The following OR1M1 variants were observed in gnomAD, a reference collection of about 807,000 sequenced individuals.
The protein encoded by OR1M1 is olfactory receptor family 1 subfamily M member 1.
For synonymous variants in OR1M1, 157 were observed against 165.5 expected, an observed-to-expected ratio of 0.95 and a Z score of 0.39; for missense variants, 397 against 401.8, an observed-to-expected ratio of 0.99 and a Z score of 0.10.
chr19:9,088,248 A>T (rs1042905916), intron 1 of OR1M1, among the ~76,000 whole-genome samples: 1 of 152,140 alleles, frequency 6.6e-6, no homozygotes. Context: ...CTTCCTCCTC[A>T]GTACTTCTGT....
At chr19:9,087,945 C>T (rs1600196948) in intron 1 of OR1M1, among the ~76,000 whole-genome samples, 2 of 151,926 alleles carry the variant, frequency 1.3e-5, no homozygotes, top group Admixed American at 1.3e-4. Context: ...GGCTGCAGTG[C>T]AGTGGCATGA....
In OR1M1 at chr19:9,095,646, C is replaced by T. The variant is rs1288500399; in HGVS notation, c.*1460C>T. On this transcript the variant is annotated 3_prime_UTR_variant, in exon 2 of 2. Coordinates refer to ENST00000641627, the MANE Select transcript of OR1M1 (RefSeq NM_001004456.2). ...AAACTCCTGAGCTCAAGCCATCCTC[C>T]CATCTCAGCCTCTCAAAATGCTGGG... 6.6e-6 allele frequency: 1 copy of T among 151,928 alleles called. No homozygotes were observed. Among genetic ancestry groups the T allele is most frequent in the African/African-American group, 2.4e-5 (1 of 41,338 alleles). The allele number at this position is 151,928 out of a possible 1,614,324, so 9.4% of individuals were successfully genotyped here.
At position 9,094,157 on chromosome 19, in the gene OR1M1, G is replaced by C; in HGVS notation, c.913G>C (p.Val305Leu). The C allele has an allele frequency of 2.5e-6, 4 of 1,610,464 alleles. No individual in the cohort carries two copies. Among genetic ancestry groups the C allele is most frequent in the Non-Finnish European group, 3.4e-6 (4 of 1,179,642 alleles). Residue 305 changes from valine to leucine, a missense_variant, in exon 2 of 2, where the codon GTC (valine) becomes CTC (leucine). Physicochemically the swap from Val to Leu is conservative, Grantham distance 32. Coordinates refer to ENST00000641627, the MANE Select transcript of OR1M1 (RefSeq NM_001004456.2). Reference protein sequence around the residue: ...RDLKGALRKLVNRKITSSS With the variant: ...RDLKGALRKLLNRKITSSS ...CCTGAAAGGGGCTCTCAGGAAGCTGGTCAACAGAAAGATCACCTCATCTTC... is the reference window on the plus strand; with the variant it reads ...CCTGAAAGGGGCTCTCAGGAAGCTGCTCAACAGAAAGATCACCTCATCTTC...
rs756587416 is a variant in OR1M1, at chr19:9,093,459, G to C, written c.215G>C (p.Cys72Ser). The C allele has an allele frequency of 2.5e-6, 4 of 1,614,034 alleles. No individual in the cohort carries two copies. The highest frequency in any genetic ancestry group is 3.4e-6 in the Non-Finnish European group (4 of 1,180,016). Residue 72 changes from cysteine to serine, a missense_variant, in exon 2 of 2, where the codon TGT becomes TCT. Transcript: ENST00000641627. ...FLANLSLVDF[C>S]LATNTIPKML... ...GCCAACCTGTCCCTGGTTGATTTCT[G>C]TCTGGCCACCAACACCATCCCTAAG...
intron 1 of OR1M1, among the ~76,000 whole-genome samples, chr19:9,088,977 G>A (rs2145902650): frequency 6.6e-6 from 1 of 152,086 alleles, no homozygotes; most frequent in Non-Finnish European, 1.5e-5. Context: ...TATATGTAAT[G>A]TATAGTGATC....
intron 1 of OR1M1, 88 bp downstream of exon 1, chr19:9,087,245 A>ACTGGAAGATTCTTTTTTATTATT (rs1424974643): frequency 3.3e-5 from 5 of 152,236 alleles, no homozygotes; most frequent in Non-Finnish European, 2.9e-5. Context: ...TCTCAGATAC[A>ACTGGAAGATTCTTTTTTATTATT]CTGGAAGATT....
At chr19:9,093,077 T>TACACACACACACAC (rs545067737) in intron 1 of OR1M1, 155 bp from the exon 2 acceptor site, 256 of 458,950 alleles carry the variant, frequency 5.6e-4, no homozygotes, top group African/African-American at 4.8e-3. Context: ...ATATTCTATA[T>TACACACACACACAC]ATACACACAC....
intron 1 of OR1M1, among the ~76,000 whole-genome samples, chr19:9,092,627 C>G (rs535391273): frequency 4.0e-5 from 6 of 151,848 alleles, no homozygotes. Flanking sequence ...TTTAGCCTGG[C>G]GTGGTGGCTC....
At chr19:9,091,144 G>A (rs928819101) in intron 1 of OR1M1, among the ~76,000 whole-genome samples, 2 of 151,864 alleles carry the variant, frequency 1.3e-5, no homozygotes, top group Admixed American at 6.6e-5. Context: ...TCCAGCCCGA[G>A]TGACAGAGCG....
rs982242931 is a variant in OR1M1, at chr19:9,095,115, T to G, written c.*929T>G. 4 of 152,194 alleles carry G rather than the reference T, an allele frequency of 2.6e-5. No individual in the cohort carries two copies. Among genetic ancestry groups the G allele is most frequent in the Admixed American group, 2.0e-4 (3 of 15,232 alleles). The allele number at this position is 152,194 out of a possible 1,614,324, so 9.4% of individuals were successfully genotyped here. On this transcript the variant is annotated 3_prime_UTR_variant, in exon 2 of 2. Coordinates refer to ENST00000641627, the MANE Select transcript of OR1M1 (RefSeq NM_001004456.2). ...CACCAAGCCTGGCTGGAAAGGCCAT[T>G]TGAGGACACAGCGAAAGGGGGTCTA...
In OR1M1 at chr19:9,094,561, A is replaced by C. The variant is rs1288035494; in HGVS notation, c.*375A>C. On this transcript the variant is annotated 3_prime_UTR_variant, in exon 2 of 2. Coordinates refer to ENST00000641627, the MANE Select transcript of OR1M1 (RefSeq NM_001004456.2). ...TTTTTGTTTGTTTTTGTTTTTTGAG[A>C]CAGAGTCTCGTTCTGTTGCCCAGGC... The C allele has an allele frequency of 5.6e-6, 1 of 177,406 alleles. No homozygotes were observed. The allele number at this position is 177,406 out of a possible 1,614,324, so 11.0% of individuals were successfully genotyped here.
intron 1 of OR1M1, among the ~76,000 whole-genome samples, chr19:9,091,153 C>T (rs988879265): frequency 1.1e-4 from 17 of 151,730 alleles, no homozygotes; most frequent in African/African-American, 3.1e-4. Flanking sequence ...AGTGACAGAG[C>T]GAGACTCTGT....
chr19:9,087,659 C>G (rs1365653734), intron 1 of OR1M1, among the ~76,000 whole-genome samples: 1 of 152,098 alleles, frequency 6.6e-6, no homozygotes, highest in Admixed American at 6.6e-5. Context: ...CCATGTTGGT[C>G]AGGCTGATCT....
At position 9,093,468 on chromosome 19, in the gene OR1M1, C is replaced by T. The variant is rs1440875550; in HGVS notation, c.224C>T (p.Thr75Ile). 6.2e-7 allele frequency: 1 copy of T among 1,613,996 alleles called. No individual in the cohort carries two copies. Among genetic ancestry groups the T allele is most frequent in the East Asian group, 2.2e-5 (1 of 44,892 alleles). Residue 75 changes from threonine (T) to isoleucine (I), a missense_variant, in exon 2 of 2, where the codon ACC becomes ATC. Transcript: ENST00000641627. ...NLSLVDFCLA[T>I]NTIPKMLVSL... ...TCCCTGGTTGATTTCTGTCTGGCCA[C>T]CAACACCATCCCTAAGATGCTGGTG...
chr19:9,092,750 A>C (rs916965062), intron 1 of OR1M1, among the ~76,000 whole-genome samples: 1 of 151,792 alleles, frequency 6.6e-6, no homozygotes, highest in African/African-American at 2.4e-5. Flanking sequence ...AAGTACAAAA[A>C]ATTAGCCGGA....
chr19:9,089,617 G>T (rs1476550221), intron 1 of OR1M1, among the ~76,000 whole-genome samples: 2 of 152,074 alleles, frequency 1.3e-5, no homozygotes, highest in East Asian at 3.9e-4. Flanking sequence ...TAGAGACGGG[G>T]TTTCACCATG....
Position 9,093,267 on chromosome 19 carries a change from G to T in OR1M1, c.23G>T (p.Ser8Ile). The change falls in exon 2 of 2, where the codon AGT becomes ATT. Residue 8 changes from serine (S) to isoleucine (I), a missense_variant. Ser to Ile is a moderately radical substitution (Grantham distance 142). Coordinates refer to ENST00000641627, the MANE Select transcript of OR1M1 (RefSeq NM_001004456.2). ...CCCATGGAACCAAGAAACCAAACCA[G>T]TGCATCTCAATTCATCCTCCTGGGA... MEPRNQT[S>I]ASQFILLGLS... The T allele has an allele frequency of 6.2e-7, 1 of 1,611,300 alleles. No individual in the cohort carries two copies. The highest frequency in any genetic ancestry group is 8.5e-7 in the Non-Finnish European group (1 of 1,178,814).
intron 1 of OR1M1, among the ~76,000 whole-genome samples, chr19:9,090,942 A>G (rs768104682): frequency 1.5e-3 from 228 of 151,766 alleles, no homozygotes; most frequent in Non-Finnish European, 2.6e-3. Context: ...CAAGGCGGGC[A>G]GATCACGAGG....
chr19:9,094,287 T>TTTATTA lies in OR1M1; in HGVS notation c.*116_*121dup, dbSNP rs964645456. On this transcript the variant is annotated 3_prime_UTR_variant, in exon 2 of 2. Transcript: ENST00000641627. ...GAGTTGAAGAGTAGGCACTTTGAAT[T>TTTATTA]TTATTATTATTATTATTATTTAGAG... is the stretch of plus-strand genomic sequence containing the variant. The TTTATTA allele has an allele frequency of 6.3e-6, 4 of 634,342 alleles. No individual in the cohort carries two copies. Among genetic ancestry groups the TTTATTA allele is most frequent in the South Asian group, 2.1e-5 (1 of 46,714 alleles). The allele number at this position is 634,342 out of a possible 1,614,324, so 39.3% of individuals were successfully genotyped here.
Sources: gnomAD v4.1 joint callset for allele counts (sites outside exome capture counted in the v4.1 genomes callset) on GRCh38, gnomAD v4.1.1 for gene constraint, MANE v1.5 for transcripts, NCBI Gene and HGNC (gene_info 2026-07-23, HGNC 2026-07-21) for gene names.